DCC: variants seen among roughly 807,000 people sequenced by gnomAD.
The protein encoded by DCC is netrin receptor DCC.
A neutral mutation model predicts 172.5 loss-of-function variants in DCC; 58 were observed. The ratio of observed to expected loss-of-function variants is 0.34; its 90% CI spans 0.27 to 0.42. The LOEUF (loss-of-function observed/expected upper bound fraction) is 0.42. Ranked by LOEUF, DCC falls within the 10% of genes least tolerant of loss-of-function variation. The pLI is 1.00. For synonymous variants in DCC, 709 were observed against 644.5 expected, an observed-to-expected ratio of 1.10 and a Z score of -1.52; for missense variants, 1,740 against 1,791.0, an observed-to-expected ratio of 0.97 and a Z score of 0.51.
intron 5 of DCC, among the ~76,000 whole-genome samples, chr18:53,057,775 G>T (rs2042431349): frequency 6.6e-6 from 1 of 152,102 alleles, no homozygotes; most frequent in African/African-American, 2.4e-5. Flanking sequence ...AAAGCCTAAA[G>T]TAGTGAAATG....
At chr18:53,213,167 A>G (rs184819376) in intron 11 of DCC, among the ~76,000 whole-genome samples, 6 of 152,356 alleles carry the variant, frequency 3.9e-5, no homozygotes, top group Non-Finnish European at 8.8e-5. Flanking sequence ...TACCTACAAC[A>G]AAACACATGA....
intron 4 of DCC, among the ~76,000 whole-genome samples, chr18:52,925,030 C>T (rs111484343): frequency 1.3e-5 from 2 of 151,668 alleles, no homozygotes; most frequent in African/African-American, 4.8e-5. Flanking sequence ...TTTATTTGAT[C>T]GCTACACACA....
At chr18:52,476,996 C>T (rs967147588) in intron 1 of DCC, among the ~76,000 whole-genome samples, 3 of 152,060 alleles carry the variant, frequency 2.0e-5, no homozygotes, top group East Asian at 1.9e-4. Flanking sequence ...CGTGCAACAC[C>T]GAGCCATGGG....
chr18:52,472,507 C>A (rs1265029758), intron 1 of DCC, among the ~76,000 whole-genome samples: 2 of 152,186 alleles, frequency 1.3e-5, no homozygotes, highest in African/African-American at 4.8e-5. Context: ...GTGCTATTTT[C>A]AACGGGGTAT....
chr18:53,434,734 T>C lies in DCC; in HGVS notation c.3164-410T>C, dbSNP rs1009145252. ...CTGGCCCCTTGTAGGATAACAATAA[T>C]TTTCCATAAAGTCTTGTCAGTTGGG... On this transcript the variant is annotated intron_variant, in intron 21 of 28. Transcript: ENST00000442544. Among the ~76,000 whole-genome samples the C allele has an allele frequency of 2.0e-5, 3 of 152,300 alleles. No homozygotes were observed. The East Asian group carries it at 5.8e-4, about 29-fold the overall frequency.
rs984904605 is a variant in DCC at position 52,829,334 on chromosome 18, A to T, written c.413-76710A>T. Among the ~76,000 whole-genome samples the T allele has an allele frequency of 2.0e-5, 3 of 152,210 alleles. No individual in the cohort carries two copies. In the South Asian group the frequency reaches 6.2e-4, roughly 32 times the overall value. On this transcript the variant is annotated intron_variant, in intron 2 of 28. Coordinates refer to ENST00000442544, the MANE Select transcript of DCC (RefSeq NM_005215.4). Reference sequence around the variant, plus strand: ...ATCCGTATGCTGGTAGGAACACCTTAGTCCTAGTTGCAGTGCTGGAAGAAC... The same window carrying T: ...ATCCGTATGCTGGTAGGAACACCTTTGTCCTAGTTGCAGTGCTGGAAGAAC...
At chr18:52,688,445 C>A (rs771870123) in intron 1 of DCC, among the ~76,000 whole-genome samples, 11 of 151,944 alleles carry the variant, frequency 7.2e-5, no homozygotes, top group Admixed American at 2.0e-4. Context: ...ATTTTTAAGA[C>A]CTTAGGCTCT....
At chr18:52,573,215 A>T (rs1331376527) in intron 1 of DCC, among the ~76,000 whole-genome samples, 7 of 152,172 alleles carry the variant, frequency 4.6e-5, no homozygotes, top group Admixed American at 3.3e-4. Context: ...TCAATAATAA[A>T]AATACATATT....
intron 9 of DCC, among the ~76,000 whole-genome samples, chr18:53,188,278 G>A (rs184444916): frequency 4.8e-4 from 73 of 152,306 alleles, no homozygotes; most frequent in Non-Finnish European, 8.7e-4. Flanking sequence ...AGATTCCTAA[G>A]TACAGGCATG....
chr18:53,106,688 C>A (rs2043252789), intron 7 of DCC, among the ~76,000 whole-genome samples: 1 of 151,818 alleles, frequency 6.6e-6, no homozygotes, highest in South Asian at 2.1e-4. Context: ...AGGAAAAGTC[C>A]ACAGAGTAAA....
intron 2 of DCC, among the ~76,000 whole-genome samples, chr18:52,809,108 T>G (rs2038145138): frequency 6.6e-6 from 1 of 152,172 alleles, no homozygotes; most frequent in South Asian, 2.1e-4. Context: ...CAGGTTTGGG[T>G]GCAGCAGGGA....
chr18:53,292,701 A>AAAAAC (rs917952385), intron 12 of DCC, among the ~76,000 whole-genome samples: 1 of 152,086 alleles, frequency 6.6e-6, no homozygotes, highest in Non-Finnish European at 1.5e-5. Flanking sequence ...AAACAAAAAC[A>AAAAAC]AAAACAAAAC....
chr18:52,694,957 AC>A (rs2035988877), intron 1 of DCC, among the ~76,000 whole-genome samples: 1 of 152,200 alleles, frequency 6.6e-6, no homozygotes, highest in Non-Finnish European at 1.5e-5. Context: ...GCTCTTTTGT[AC>A]ACCACAGTGA....
At chr18:52,926,964 G>GATATATATACACATATATATGGAT (rs2040216523) in intron 5 of DCC, among the ~76,000 whole-genome samples, 1 of 137,636 alleles carries the variant, frequency 7.3e-6, no homozygotes, top group Non-Finnish European at 1.6e-5. Flanking sequence ...ACTATATATG[G>GATATATATACACATATATATGGAT]ATATATATAC....
chr18:53,104,876 G>A (rs1289003020), intron 7 of DCC, among the ~76,000 whole-genome samples: 2 of 152,022 alleles, frequency 1.3e-5, no homozygotes, highest in African/African-American at 4.8e-5. Flanking sequence ...TCCTGTCTGT[G>A]CAGTCTCCTA....
chr18:53,184,554 T>C (rs1350148888), intron 9 of DCC, among the ~76,000 whole-genome samples: 2 of 152,124 alleles, frequency 1.3e-5, no homozygotes, highest in African/African-American at 2.4e-5. Context: ...TGCAAACCTG[T>C]ATAGCATGTG....
At chr18:53,493,420 T>C (rs953166315) in intron 26 of DCC, among the ~76,000 whole-genome samples, 1 of 152,228 alleles carries the variant, frequency 6.6e-6, no homozygotes, top group African/African-American at 2.4e-5. Flanking sequence ...TCAAAGGGAA[T>C]GCTTCCAGTT....
At chr18:53,491,294 A>C (rs2045956827) in intron 26 of DCC, among the ~76,000 whole-genome samples, 1 of 152,210 alleles carries the variant, frequency 6.6e-6, no homozygotes, top group African/African-American at 2.4e-5. Flanking sequence ...AAGTTTTCAA[A>C]ATAAGAGACC....
intron 1 of DCC, among the ~76,000 whole-genome samples, chr18:52,713,556 G>A (rs1055854836): frequency 6.6e-6 from 1 of 152,180 alleles, no homozygotes; most frequent in Non-Finnish European, 1.5e-5. Flanking sequence ...GAGATACAGG[G>A]CAGCCCCCAT....
Sources: allele counts gnomAD v4.1 joint callset (sites outside exome capture counted in the v4.1 genomes callset), GRCh38; gene constraint gnomAD v4.1.1; transcripts MANE v1.5; gene names NCBI Gene and HGNC (gene_info 2026-07-23, HGNC 2026-07-21).